The following CDH23 variants were observed in gnomAD, a reference collection of about 807,000 sequenced individuals.
CDH23 encodes the protein cadherin related 23.
CDH23 carries 189 observed loss-of-function variants against 317.1 expected under a neutral mutation model. The observed-to-expected ratio is 0.60, with a 90% CI of 0.53 to 0.67. The LOEUF (loss-of-function observed/expected upper bound fraction) is 0.67, where lower values mean the gene tolerates loss of function less well. CDH23 is among the 30% of genes least tolerant of loss of function. The pLI, the probability that CDH23 is intolerant of heterozygous loss-of-function variation, is 0.00. For missense variants in CDH23, 4,401 were observed against 4,592.4 expected, an observed-to-expected ratio of 0.96 and a Z score of 1.20; for synonymous variants, 1,839 against 1,876.8, an observed-to-expected ratio of 0.98 and a Z score of 0.52.
intron 9 of CDH23, among the ~76,000 whole-genome samples, chr10:71,592,265 C>T (rs1392620320): frequency 6.6e-6 from 1 of 152,180 alleles, no homozygotes; most frequent in Non-Finnish European, 1.5e-5. Flanking sequence ...TCTCCTGGCT[C>T]AGGAACTAGG....
chr10:71,499,938 G>A (rs144165785), intron 3 of CDH23, among the ~76,000 whole-genome samples: 2,583 of 149,674 alleles, frequency 0.017, 59 homozygotes, highest in African/African-American at 0.055. Flanking sequence ...AATCGCTTGA[G>A]CCTGGGAGGT....
intron 1 of CDH23, among the ~76,000 whole-genome samples, chr10:71,414,649 AT>A (rs58644793): frequency 0.88 from 134,425 of 152,132 alleles, 59,733 homozygotes; most frequent in African/African-American, 0.96. Context: ...TGTTCATGTG[AT>A]TTTTTTCTTT....
chr10:71,578,722 C>T (rs1246308798), intron 9 of CDH23, among the ~76,000 whole-genome samples: 1 of 152,188 alleles, frequency 6.6e-6, no homozygotes, highest in African/African-American at 2.4e-5. Context: ...CTGCCCACCC[C>T]CCCATACATG....
At chr10:71,424,361 G>A (rs943612223) in intron 1 of CDH23, among the ~76,000 whole-genome samples, 24 of 152,358 alleles carry the variant, frequency 1.6e-4, no homozygotes, top group Middle Eastern at 6.8e-3. Context: ...CCTTTTAGAA[G>A]CTGTGATATT....
At chr10:71,431,465 G>A (rs1849368074) in intron 1 of CDH23, among the ~76,000 whole-genome samples, 2 of 152,194 alleles carry the variant, frequency 1.3e-5, no homozygotes, top group Admixed American at 1.3e-4. Context: ...CGTGGTCATC[G>A]GTGACCTACA....
At chr10:71,532,173 G>T (rs1855410250) in intron 6 of CDH23, among the ~76,000 whole-genome samples, 1 of 151,836 alleles carries the variant, frequency 6.6e-6, no homozygotes, top group Admixed American at 6.7e-5. Flanking sequence ...AGCCCAGTCA[G>T]CCTTCTCCTT....
At chr10:71,755,877 G>A (rs1339814022) in intron 38 of CDH23, among the ~76,000 whole-genome samples, 2 of 152,188 alleles carry the variant, frequency 1.3e-5, no homozygotes, top group African/African-American at 2.4e-5. Context: ...TGAAAGTTTT[G>A]AAAATAGACA....
At chr10:71,597,222 G>T (rs1047835491) in intron 9 of CDH23, among the ~76,000 whole-genome samples, 6 of 152,120 alleles carry the variant, frequency 3.9e-5, no homozygotes, top group African/African-American at 1.2e-4. Context: ...GTGGGGAGCA[G>T]AGCAGGCATC....
intron 9 of CDH23, among the ~76,000 whole-genome samples, chr10:71,610,144 T>C (rs186763406): frequency 2.5e-4 from 38 of 152,280 alleles, no homozygotes; most frequent in Middle Eastern, 6.8e-3. Flanking sequence ...GCTGGAATTA[T>C]AGGCACCTGC....
intron 15 of CDH23, among the ~76,000 whole-genome samples, chr10:71,675,678 A>G (rs1025603728): frequency 6.6e-6 from 1 of 152,134 alleles, no homozygotes; most frequent in Non-Finnish European, 1.5e-5. Flanking sequence ...AGACAGCTAT[A>G]AGTGCCGTGG....
chr10:71,692,845 G>C (rs1284683418), intron 20 of CDH23, among the ~76,000 whole-genome samples: 2 of 152,234 alleles, frequency 1.3e-5, no homozygotes, highest in Non-Finnish European at 2.9e-5. Context: ...ATAGCACACA[G>C]GCCCTGCCCG....
intron 33 of CDH23, 117 bp downstream of exon 33, chr10:71,734,458 T>A: frequency 6.7e-7 from 1 of 1,493,430 alleles, no homozygotes; most frequent in Non-Finnish European, 9.1e-7. Flanking sequence ...GCGAGGGTCT[T>A]GATAGCCTGA....
At chr10:71,627,668 C>T (rs1240037278) in intron 11 of CDH23, among the ~76,000 whole-genome samples, 5 of 152,166 alleles carry the variant, frequency 3.3e-5, no homozygotes, top group African/African-American at 7.2e-5. Context: ...CCTGGAGTCC[C>T]GTCTAACAGC....
At chr10:71,596,418 C>T (rs902977618) in intron 9 of CDH23, among the ~76,000 whole-genome samples, 1 of 152,180 alleles carries the variant, frequency 6.6e-6, no homozygotes, top group African/African-American at 2.4e-5. Flanking sequence ...GGACCACCCT[C>T]CTCATTGGAT....
intron 3 of CDH23, among the ~76,000 whole-genome samples, chr10:71,496,212 G>A (rs1337576558): frequency 1.3e-5 from 2 of 152,218 alleles, no homozygotes; most frequent in African/African-American, 4.8e-5. Flanking sequence ...ATTTTTAGAA[G>A]CTCTCCAGGT....
chr10:71,612,642 G>A (rs960564575), intron 9 of CDH23, among the ~76,000 whole-genome samples: 1 of 152,166 alleles, frequency 6.6e-6, no homozygotes, highest in East Asian at 1.9e-4. Flanking sequence ...CTGTCTGTGG[G>A]GGGGCTGGGG....
chr10:71,740,632 G>A (rs1177855923), intron 36 of CDH23, among the ~76,000 whole-genome samples, 190 bp from the exon 37 acceptor site: 1 of 152,228 alleles, frequency 6.6e-6, no homozygotes, highest in Non-Finnish European at 1.5e-5. Context: ...GGGGCAGAAG[G>A]TGAAGGCTTT....
In CDH23 at chr10:71,544,946, G is replaced by A. The variant is rs186695899; in HGVS notation, c.430-21796G>A. On this transcript the variant is annotated intron_variant, in intron 6 of 69. Transcript: ENST00000224721. ...GGTCTGTGGCTGGGGTCTGGTGTCT[G>A]TGACTGGTGCAGTGTGTGCCCTGGG... Among the ~76,000 whole-genome samples the A allele has an allele frequency of 6.6e-5, 10 of 152,324 alleles. No homozygotes were observed. In the East Asian group the frequency reaches 1.7e-3, roughly 26 times the overall value.
At chr10:71,766,285 C>T (rs1034839595) in intron 38 of CDH23, among the ~76,000 whole-genome samples, 8 of 152,170 alleles carry the variant, frequency 5.3e-5, no homozygotes, top group African/African-American at 1.7e-4. Context: ...GAAAATGACC[C>T]GGGGCCTGGG....
Sources: allele counts gnomAD v4.1 joint callset (sites outside exome capture counted in the v4.1 genomes callset), GRCh38; gene constraint gnomAD v4.1.1; transcripts MANE v1.5; gene names NCBI Gene and HGNC (gene_info 2026-07-23, HGNC 2026-07-21).